The following AGBL4 variants were observed in gnomAD, a reference collection of about 807,000 sequenced individuals.
AGBL4 encodes AGBL carboxypeptidase 4.
AGBL4 carries 58 observed loss-of-function variants against 66.4 expected under a neutral mutation model. The observed-to-expected ratio is 0.87, with a 90% confidence interval of 0.71 to 1.09. The LOEUF (loss-of-function observed/expected upper bound fraction) is 1.09. Ranked by LOEUF, AGBL4 falls within the 50% of genes least tolerant of loss-of-function variation. The pLI is 0.00. For synonymous variants in AGBL4, 234 were observed against 222.9 expected (o/e 1.05, Z -0.44); for missense variants, 579 against 631.0 (o/e 0.92, Z 0.88).
At chr1:49,544,255 C>T (rs1230027448) in intron 3 of AGBL4, among the ~76,000 whole-genome samples, 1 of 152,190 alleles carries the variant, frequency 6.6e-6, no homozygotes, top group Non-Finnish European at 1.5e-5. Context: ...CTGAACCCAC[C>T]TGTTGTATGG....
chr1:49,182,018 G>A lies in AGBL4; in HGVS notation c.377+63752C>T, dbSNP rs141056579. ...CAGTGGTATCTGGTGGATCTTAGCC[G>A]CTGAGGCATACGACTAACTGCTCCA... On this transcript the variant is annotated intron_variant, in intron 4 of 13. Transcript: ENST00000371839. Among the ~76,000 whole-genome samples, 401 of 152,258 alleles carry A rather than the reference G, an allele frequency of 2.6e-3. 3 individuals carry two copies. The highest frequency in any genetic ancestry group is 2.5e-3 in the Non-Finnish European group (172 of 68,016).
At chr1:49,936,826 G>A (rs1419786246) in intron 1 of AGBL4, among the ~76,000 whole-genome samples, 2 of 152,090 alleles carry the variant, frequency 1.3e-5, no homozygotes, top group Non-Finnish European at 2.9e-5. Flanking sequence ...CCATAAAAGA[G>A]CTCCTGAAGG....
At chr1:49,624,728 C>T (rs1010286701) in intron 3 of AGBL4, among the ~76,000 whole-genome samples, 5 of 152,060 alleles carry the variant, frequency 3.3e-5, no homozygotes, top group African/African-American at 1.2e-4. Flanking sequence ...GATGGTAGAT[C>T]AGAAAAACAG....
intron 6 of AGBL4, among the ~76,000 whole-genome samples, chr1:48,848,525 A>G (rs757551043): frequency 3.9e-5 from 6 of 152,206 alleles, no homozygotes; most frequent in Non-Finnish European, 5.9e-5. Context: ...GGTACAGGGG[A>G]AAAATAACAG....
At chr1:48,876,089 C>T (rs1220453988) in intron 5 of AGBL4, among the ~76,000 whole-genome samples, 1 of 152,142 alleles carries the variant, frequency 6.6e-6, no homozygotes, top group Non-Finnish European at 1.5e-5. Flanking sequence ...TTGTACTTTT[C>T]CTCCATAGGG....
chr1:48,653,964 A>C (rs1051291321), intron 7 of AGBL4, among the ~76,000 whole-genome samples: 1 of 152,208 alleles, frequency 6.6e-6, no homozygotes, highest in Non-Finnish European at 1.5e-5. Flanking sequence ...AGCCAAAGTC[A>C]CATGAGCAGA....
At chr1:49,324,068 G>C (rs371343485) in intron 3 of AGBL4, among the ~76,000 whole-genome samples, 1 of 152,128 alleles carries the variant, frequency 6.6e-6, no homozygotes, top group Non-Finnish European at 1.5e-5. Flanking sequence ...ACAAATTAAC[G>C]AATAAATGAC....
At chr1:48,594,539 T>C (rs1009888937) in intron 9 of AGBL4, among the ~76,000 whole-genome samples, 17 of 152,338 alleles carry the variant, frequency 1.1e-4, no homozygotes, top group African/African-American at 4.1e-4. Context: ...CTTCTGTTCA[T>C]GTATTTTTCA....
intron 4 of AGBL4, among the ~76,000 whole-genome samples, chr1:49,207,587 T>TTTCTTTCTTTC: frequency 6.8e-6 from 1 of 147,604 alleles, no homozygotes; most frequent in South Asian, 2.2e-4. Flanking sequence ...TCTTTCTTTC[T>TTTCTTTCTTTC]TTCTTTCTTT....
At chr1:48,576,132 G>T (rs558016448) in intron 11 of AGBL4, among the ~76,000 whole-genome samples, 2 of 152,194 alleles carry the variant, frequency 1.3e-5, no homozygotes, top group Non-Finnish European at 2.9e-5. Flanking sequence ...AGGCTGCACC[G>T]CAGGAGGTGA....
intron 3 of AGBL4, among the ~76,000 whole-genome samples, chr1:49,515,934 T>C (rs1055924916): frequency 3.3e-5 from 5 of 150,740 alleles, no homozygotes; most frequent in African/African-American, 1.2e-4. Context: ...ATATACCTAA[T>C]GTTAAATGAT....
At chr1:49,943,646 T>A (rs1453250371) in intron 1 of AGBL4, among the ~76,000 whole-genome samples, 1 of 149,846 alleles carries the variant, frequency 6.7e-6, no homozygotes, top group Non-Finnish European at 1.5e-5. Context: ...CTGAGTACCC[T>A]AAAAAGCCAT....
intron 6 of AGBL4, among the ~76,000 whole-genome samples, chr1:48,718,550 G>A (rs937324548): frequency 1.3e-5 from 2 of 152,176 alleles, no homozygotes; most frequent in Non-Finnish European, 2.9e-5. Flanking sequence ...TCCAGGGCCA[G>A]GTGCTTCCCA....
At chr1:49,678,422 G>C (rs1054258941) in intron 3 of AGBL4, among the ~76,000 whole-genome samples, 3 of 152,010 alleles carry the variant, frequency 2.0e-5, no homozygotes, top group African/African-American at 4.8e-5. Context: ...ACTTTTGCTA[G>C]ATTGATTTTC....
chr1:49,496,359 C>T (rs973854433), intron 3 of AGBL4, among the ~76,000 whole-genome samples: 5 of 151,706 alleles, frequency 3.3e-5, no homozygotes, highest in African/African-American at 1.2e-4. Context: ...ACATACAAAG[C>T]CTCACGTACT....
At chr1:49,679,397 ATGTGTG>A (rs773778555) in intron 3 of AGBL4, among the ~76,000 whole-genome samples, 1 of 151,310 alleles carries the variant, frequency 6.6e-6, no homozygotes. Flanking sequence ...GTATGTTTGC[ATGTGTG>A]TGTGTGTGAA....
chr1:49,961,747 A>G (rs182833166), intron 1 of AGBL4, among the ~76,000 whole-genome samples: 2 of 152,276 alleles, frequency 1.3e-5, no homozygotes, highest in Admixed American at 1.3e-4. Flanking sequence ...TAATGGTTCA[A>G]TCAGTAACTA....
chr1:49,447,536 C>T (rs887636905), intron 3 of AGBL4, among the ~76,000 whole-genome samples: 1 of 152,162 alleles, frequency 6.6e-6, no homozygotes, highest in Admixed American at 6.5e-5. Context: ...CTGCCACAGA[C>T]ACTTAGTTCT....
intron 4 of AGBL4, among the ~76,000 whole-genome samples, chr1:49,141,048 A>G (rs1310187529): frequency 6.6e-6 from 1 of 152,222 alleles, no homozygotes; most frequent in Non-Finnish European, 1.5e-5. Context: ...AATGGAATTT[A>G]TATTTAAACA....
Sources: gnomAD v4.1 joint callset for allele counts (sites outside exome capture counted in the v4.1 genomes callset) on GRCh38, gnomAD v4.1.1 for gene constraint, MANE v1.5 for transcripts, NCBI Gene and HGNC (gene_info 2026-07-23, HGNC 2026-07-21) for gene names.